Variants in GNG7 observed in about 807,000 individuals in gnomAD.
GNG7 encodes guanine nucleotide-binding protein G(I)/G(S)/G(O) subunit gamma-7.
Under a neutral mutation model 4.0 loss-of-function variants are expected in GNG7, and 1 was observed. That is an observed-to-expected ratio of 0.25 (90% CI 0.09 to 1.18). GNG7 has a LOEUF of 1.18. GNG7 is among the 50% of genes most tolerant of loss of function. GNG7 has a pLI of 0.50. For missense variants in GNG7, 86 were observed against 91.9 expected (o/e 0.94, Z 0.26); for synonymous variants, 34 against 36.9 (o/e 0.92, Z 0.29).
chr19:2,681,308 C>CT (rs1568283401), intron 1 of GNG7, among the ~76,000 whole-genome samples: 1 of 152,042 alleles, frequency 6.6e-6, no homozygotes, highest in African/African-American at 2.4e-5. Flanking sequence ...CTCAGCCTCC[C>CT]GAGTAGCTGG....
chr19:2,575,495 G>A (rs898366109), intron 2 of GNG7, among the ~76,000 whole-genome samples: 93 of 151,060 alleles, frequency 6.2e-4, no homozygotes, highest in African/African-American at 3.2e-4. Flanking sequence ...ATGCAGACAC[G>A]CAGGCACACA....
chr19:2,541,426 G>C (rs1978958208), intron 3 of GNG7, among the ~76,000 whole-genome samples: 2 of 151,990 alleles, frequency 1.3e-5, no homozygotes, highest in Admixed American at 1.3e-4. Flanking sequence ...AATACAGCGA[G>C]ACCCTGCCTC....
intron 2 of GNG7, among the ~76,000 whole-genome samples, chr19:2,605,619 T>C (rs1981356647): frequency 6.6e-6 from 1 of 150,574 alleles, no homozygotes. Context: ...GCTGAAGTGA[T>C]TCTCCTGCCT....
At position 2,661,287 on chromosome 19, in the gene GNG7, AAAG is replaced by A. The variant is rs1211616570; in HGVS notation, c.-134-15010_-134-15008del. Among the ~76,000 whole-genome samples the A allele has an allele frequency of 4.0e-5, 2 of 50,628 alleles. 1 individual carries two copies. The highest frequency in any genetic ancestry group is 7.3e-5 in the Non-Finnish European group (2 of 27,386). The allele number at this position is 50,628 out of a possible 152,430, so 33.2% of individuals were successfully genotyped here. On this transcript the variant is annotated intron_variant, in intron 1 of 4. Coordinates refer to ENST00000382159, the MANE Select transcript of GNG7 (RefSeq NM_052847.3). ...AAAGAAAGAAAAGAAAGAAAGAAAG[AAAG>A]AAAGAAAGAAAGAGAAAGAAAGAAA...
At chr19:2,520,035 G>T (rs562945923) in intron 4 of GNG7, among the ~76,000 whole-genome samples, 55 of 152,108 alleles carry the variant, frequency 3.6e-4, no homozygotes, top group South Asian at 4.1e-4. Context: ...CAAAAAATTA[G>T]CCAGGCATGG....
chr19:2,566,400 T>C (rs966297109), intron 2 of GNG7, among the ~76,000 whole-genome samples: 1 of 152,256 alleles, frequency 6.6e-6, no homozygotes, highest in Admixed American at 6.5e-5. Flanking sequence ...CACCTTGGCC[T>C]TGGACTTCCG....
intron 2 of GNG7, among the ~76,000 whole-genome samples, chr19:2,576,489 T>C (rs1980345935): frequency 6.6e-6 from 1 of 152,208 alleles, no homozygotes; most frequent in Non-Finnish European, 1.5e-5. Context: ...CTCACACGTC[T>C]GGGAAACCAG....
chr19:2,649,277 C>T (rs911139927), intron 1 of GNG7, among the ~76,000 whole-genome samples: 24 of 151,778 alleles, frequency 1.6e-4, no homozygotes, highest in Non-Finnish European at 5.9e-5. Flanking sequence ...TGGTCTGGTG[C>T]GCCCTTCAAC....
At chr19:2,604,679 A>AAGGG (rs1163866406) in intron 2 of GNG7, among the ~76,000 whole-genome samples, 5 of 140,678 alleles carry the variant, frequency 3.6e-5, no homozygotes, top group African/African-American at 1.3e-4. Context: ...GGAAGGAAGG[A>AAGGG]AGGGAGGGAG....
chr19:2,657,891 A>T (rs1435782344), intron 1 of GNG7, among the ~76,000 whole-genome samples: 1 of 151,938 alleles, frequency 6.6e-6, no homozygotes, highest in African/African-American at 2.4e-5. Flanking sequence ...ATAATGGCGT[A>T]AGCTGTCTCC....
chr19:2,569,096 T>C (rs570375695), intron 2 of GNG7, among the ~76,000 whole-genome samples: 3 of 151,074 alleles, frequency 2.0e-5, no homozygotes, highest in African/African-American at 7.3e-5. Context: ...CACACACACA[T>C]ACACACAAAT....
chr19:2,575,782 C>G (rs1179957812), intron 2 of GNG7, among the ~76,000 whole-genome samples: 1 of 125,686 alleles, frequency 8.0e-6, no homozygotes, highest in Non-Finnish European at 1.6e-5. Flanking sequence ...CAGGCACATG[C>G]AGACACGCAG....
intron 2 of GNG7, among the ~76,000 whole-genome samples, chr19:2,582,565 T>C (rs2144792292): frequency 6.6e-6 from 1 of 151,762 alleles, no homozygotes; most frequent in Admixed American, 6.6e-5. Flanking sequence ...TCACTGCAGC[T>C]TGGACTTCCT....
At chr19:2,596,262 G>C (rs1443237755) in intron 2 of GNG7, among the ~76,000 whole-genome samples, 2 of 152,182 alleles carry the variant, frequency 1.3e-5, no homozygotes, top group Non-Finnish European at 2.9e-5. Context: ...GGGAGGCTGA[G>C]ACAGGAGAAT....
intron 1 of GNG7, among the ~76,000 whole-genome samples, chr19:2,660,004 C>A (rs1013596051): frequency 6.6e-6 from 1 of 151,986 alleles, no homozygotes; most frequent in Non-Finnish European, 1.5e-5. Context: ...GCCACTTAAG[C>A]CTGGATTAAC....
rs1568277883 is a variant in GNG7 at position 2,661,347 on chromosome 19, A to AGAAAGAAAGAAAGAAG, written c.-134-15068_-134-15067insCTTCTTTCTTTCTTTC. 1.2e-3 allele frequency among the ~76,000 whole-genome samples: 175 copies of AGAAAGAAAGAAAGAAG among 148,432 alleles called. 2 individuals are homozygous for AGAAAGAAAGAAAGAAG. Among genetic ancestry groups the AGAAAGAAAGAAAGAAG allele is most frequent in the African/African-American group, 4.1e-3 (164 of 39,968 alleles). ...AAGAAAGAAAGAAAGAAAGAAAGAA[A>AGAAAGAAAGAAAGAAG]GAAAGAAAGAAAGAAATGGGCCCTC... On this transcript the variant is annotated intron_variant, in intron 1 of 4. Coordinates refer to ENST00000382159, the MANE Select transcript of GNG7 (RefSeq NM_052847.3).
chr19:2,686,688 C>T (rs1052133884), intron 1 of GNG7, among the ~76,000 whole-genome samples: 19 of 152,002 alleles, frequency 1.2e-4, no homozygotes, highest in Non-Finnish European at 2.1e-4. Context: ...CACCCTGAAA[C>T]GATCCCAAGG....
At chr19:2,538,671 C>A in intron 3 of GNG7, 2 of 456,556 alleles carry the variant, frequency 4.4e-6, no homozygotes, top group South Asian at 1.6e-5. Context: ...ATTTTACTTA[C>A]AAGGTTCACT....
rs1358557856 is a variant in GNG7, at chr19:2,512,346, T to C, written c.*2676A>G. 1.0e-6 allele frequency: 1 copy of C among 985,084 alleles called. No individual in the cohort carries two copies. Among genetic ancestry groups the C allele is most frequent in the African/African-American group, 1.8e-5 (1 of 57,012 alleles). The allele number at this position is 985,084 out of a possible 1,614,324, so 61.0% of individuals were successfully genotyped here. On this transcript the variant is annotated 3_prime_UTR_variant, in exon 5 of 5. Transcript: ENST00000382159. The surrounding 1 kb of genome is among the most constrained non-coding windows in gnomAD (Gnocchi z 4.7). The stretch of plus-strand genomic sequence containing the variant: ...TTTCCACAGTGTGGTCACTGAAGTC[T>C]ACTCAAGAAAAAAAAAAGTGGAGAA...
Sources: gnomAD v4.1 joint callset for allele counts (sites outside exome capture counted in the v4.1 genomes callset) on GRCh38, gnomAD v4.1.1 for gene constraint, Gnocchi (gnomAD v3.1) non-coding constraint, MANE v1.5 for transcripts, NCBI Gene and HGNC (gene_info 2026-07-23, HGNC 2026-07-21) for gene names.